ABCB5: variants seen among roughly 807,000 people sequenced by gnomAD.
The protein encoded by ABCB5 is ATP binding cassette subfamily B member 5.
A neutral mutation model predicts 144.2 loss-of-function variants in ABCB5; 155 were observed. That is an observed-to-expected ratio of 1.08 (90% CI 0.94 to 1.23). The LOEUF is 1.23. ABCB5 is among the 50% of genes most tolerant of loss of function. The pLI, the probability that ABCB5 is intolerant of heterozygous loss-of-function variation, is 0.00. For missense variants in ABCB5, 1,830 were observed against 1,520.8 expected (o/e 1.20, Z -3.38); for synonymous variants, 610 against 528.6 (o/e 1.15, Z -2.11).
chr7:20,668,703 C>T (rs1272889429), intron 14 of ABCB5, among the ~76,000 whole-genome samples: 3 of 143,806 alleles, frequency 2.1e-5, no homozygotes, highest in African/African-American at 2.7e-5. Flanking sequence ...CGGCCAGTCG[C>T]CCCGTCCAGG....
chr7:20,732,726 C>T (rs561774385), intron 23 of ABCB5, among the ~76,000 whole-genome samples: 27 of 152,198 alleles, frequency 1.8e-4, no homozygotes, highest in Non-Finnish European at 3.2e-4. Flanking sequence ...GGATCTAAAT[C>T]GAGGGCAACC....
At chr7:20,732,603 C>T (rs1398181672) in intron 23 of ABCB5, among the ~76,000 whole-genome samples, 1 of 152,124 alleles carries the variant, frequency 6.6e-6, no homozygotes, top group East Asian at 1.9e-4. Flanking sequence ...GGAAATGTGC[C>T]TTCGGAGTCA....
chr7:20,648,681 T>C (rs1220190725), intron 11 of ABCB5, among the ~76,000 whole-genome samples: 1 of 152,226 alleles, frequency 6.6e-6, no homozygotes, highest in Non-Finnish European at 1.5e-5. Context: ...CGATTACTAA[T>C]AAAACACTGG....
At chr7:20,708,051 C>T (rs1455483655) in intron 20 of ABCB5, among the ~76,000 whole-genome samples, 1 of 151,968 alleles carries the variant, frequency 6.6e-6, no homozygotes, top group East Asian at 1.9e-4. Flanking sequence ...GTGATCCGCC[C>T]GCCTCGGCCT....
intron 13 of ABCB5, among the ~76,000 whole-genome samples, chr7:20,657,611 C>A (rs1234352748): frequency 2.0e-5 from 3 of 152,124 alleles, no homozygotes; most frequent in Non-Finnish European, 2.9e-5. Flanking sequence ...TATCTGCAGG[C>A]ATGGTATGGG....
chr7:20,744,365 T>G (rs914111287), intron 25 of ABCB5, among the ~76,000 whole-genome samples: 2 of 152,076 alleles, frequency 1.3e-5, no homozygotes, highest in African/African-American at 4.8e-5. Context: ...TATGAACCTT[T>G]CTTTTGCTAT....
At position 20,733,182 on chromosome 7, in the gene ABCB5, C is replaced by CATTATTATTATT. The variant is rs374670890; in HGVS notation, c.2867+4741_2867+4752dup. Among the ~76,000 whole-genome samples, 253 of 151,108 alleles carry CATTATTATTATT rather than the reference C, an allele frequency of 1.7e-3. 2 individuals are homozygous for CATTATTATTATT. In the East Asian group the frequency reaches 0.025, roughly 15 times the overall value. On this transcript the variant is annotated intron_variant, in intron 23 of 27. Transcript: ENST00000404938. ...CCAGAGGTTTGGTTTACTCAACGTACATTATTATTATTATTATTATTATTA... is the reference window on the plus strand; with the variant it reads ...CCAGAGGTTTGGTTTACTCAACGTACATTATTATTATTATTATTATTATTATTATTATTATTA...
At chr7:20,619,712 G>A (rs1227841362) in intron 1 of ABCB5, among the ~76,000 whole-genome samples, 3 of 152,128 alleles carry the variant, frequency 2.0e-5, no homozygotes, top group Non-Finnish European at 4.4e-5. Context: ...TTTTGCTTCT[G>A]TCACAATTGC....
intron 14 of ABCB5, among the ~76,000 whole-genome samples, chr7:20,661,065 A>T (rs2893007): frequency 0.11 from 16,258 of 152,210 alleles, 1,050 homozygotes; most frequent in South Asian, 0.18. Flanking sequence ...GCCCATGCCC[A>T]CTTCAATCTG....
chr7:20,738,871 G>A (rs1311120161), intron 23 of ABCB5, 112 bp from the exon 24 acceptor site: 41 of 1,221,308 alleles, frequency 3.4e-5, no homozygotes, highest in Non-Finnish European at 3.8e-5. Context: ...TAGGGGTGCC[G>A]TCTACATCAA....
intron 13 of ABCB5, among the ~76,000 whole-genome samples, chr7:20,657,343 A>G (rs7802093): frequency 0.21 from 32,634 of 152,146 alleles, 4,034 homozygotes; most frequent in African/African-American, 0.34. Context: ...GCTTTTCTGA[A>G]TTCAAATGTA....
intron 2 of ABCB5, 71 bp from the exon 3 acceptor site, chr7:20,626,486 A>T (rs1163086781): frequency 7.1e-7 from 1 of 1,399,456 alleles, no homozygotes; most frequent in Non-Finnish European, 9.8e-7. Context: ...ACTTCTGCAA[A>T]CTATTAATGG....
intron 27 of ABCB5, 67 bp downstream of exon 27, chr7:20,753,573 C>T (rs2128058218): frequency 6.6e-7 from 1 of 1,517,692 alleles, no homozygotes; most frequent in South Asian, 1.3e-5. Flanking sequence ...ATGGAGGAAA[C>T]CAAGGTAAGT....
chr7:20,713,977 C>A (rs1482563872), intron 20 of ABCB5, among the ~76,000 whole-genome samples: 4 of 152,188 alleles, frequency 2.6e-5, no homozygotes, highest in African/African-American at 9.6e-5. Flanking sequence ...GTCTATTGGG[C>A]TCTTTGCACT....
chr7:20,722,524 C>T (rs762929875), intron 20 of ABCB5, among the ~76,000 whole-genome samples: 1 of 152,138 alleles, frequency 6.6e-6, no homozygotes, highest in Non-Finnish European at 1.5e-5. Flanking sequence ...ATTTGGACAT[C>T]TCAATATTGG....
Position 20,752,853 on chromosome 7 carries a change from C to CA in ABCB5, c.3430-501dup, listed in dbSNP as rs566654067. Among the ~76,000 whole-genome samples, 111 of 152,136 alleles carry CA rather than the reference C, an allele frequency of 7.3e-4. 1 individual carries two copies. In the South Asian group the frequency reaches 0.022, roughly 31 times the overall value. Reference sequence around the variant, plus strand: ...AGAGCGAGACACGGTCTCAAAAAAACAAAAAAGTCAACCTAACTTATTTCC... The same window carrying CA: ...AGAGCGAGACACGGTCTCAAAAAAACAAAAAAAGTCAACCTAACTTATTTCC... On this transcript the variant is annotated intron_variant, in intron 26 of 27. Coordinates refer to ENST00000404938, the MANE Select transcript of ABCB5 (RefSeq NM_001163941.2).
intron 1 of ABCB5, among the ~76,000 whole-genome samples, chr7:20,617,386 T>G (rs55973507): frequency 0.056 from 8,558 of 152,314 alleles, 343 homozygotes; most frequent in South Asian, 0.14. Context: ...GTGATTCTGA[T>G]GCCAGAGGTC....
At chr7:20,749,304 T>C (rs1231350224) in intron 26 of ABCB5, among the ~76,000 whole-genome samples, 1 of 145,984 alleles carries the variant, frequency 6.9e-6, no homozygotes. Context: ...CTCAGCTCAC[T>C]GCAGCCTTGA....
At chr7:20,636,062 T>C (rs1425785160) in intron 5 of ABCB5, among the ~76,000 whole-genome samples, 3 of 152,194 alleles carry the variant, frequency 2.0e-5, no homozygotes, top group Non-Finnish European at 4.4e-5. Flanking sequence ...AAAGTTCTAT[T>C]GGATAGTGTT....
Sources: allele counts gnomAD v4.1 joint callset (sites outside exome capture counted in the v4.1 genomes callset), GRCh38; gene constraint gnomAD v4.1.1; transcripts MANE v1.5; gene names NCBI Gene and HGNC (gene_info 2026-07-23, HGNC 2026-07-21).